The following METTL22 variants were observed in gnomAD, a reference collection of about 807,000 sequenced individuals.
METTL22 encodes methyltransferase 22, Kin17 lysine, also known as methyltransferase-like protein 22.
METTL22 carries 51 observed loss-of-function variants against 48.4 expected under a neutral mutation model. The ratio of observed to expected loss-of-function variants is 1.05; its 90% CI spans 0.84 to 1.33. METTL22 has a LOEUF of 1.33. METTL22 is among the 40% of genes most tolerant of loss of function. The pLI, the probability that METTL22 is intolerant of heterozygous loss-of-function variation, is 0.00. For missense variants in METTL22, 678 were observed against 526.9 expected (o/e 1.29, Z -2.81); for synonymous variants, 255 against 214.1 (o/e 1.19, Z -1.67).
At chr16:8,657,761 C>G in the METTL22 span, among the ~76,000 whole-genome samples, 1 of 151,456 alleles carries the variant, frequency 6.6e-6, no homozygotes, top group Non-Finnish European at 1.5e-5. Flanking sequence ...GACAGTCGTC[C>G]TGGATTTAGG....
chr16:8,653,129 CTGTGCTG>C (rs1448056170), downstream of METTL22, among the ~76,000 whole-genome samples: 1 of 152,190 alleles, frequency 6.6e-6, no homozygotes, highest in African/African-American at 2.4e-5. Context: ...GCCTTCCAGA[CTGTGCTG>C]TTTCTTACAT....
At chr16:8,662,374 C>T in the METTL22 span, among the ~76,000 whole-genome samples, 4 of 145,324 alleles carry the variant, frequency 2.8e-5, no homozygotes, top group Non-Finnish European at 6.1e-5. Context: ...AATCCAGGAG[C>T]CTTGTGGATT....
At chr16:8,661,841 G>A in the METTL22 span, among the ~76,000 whole-genome samples, 16 of 144,446 alleles carry the variant, frequency 1.1e-4, no homozygotes, top group African/African-American at 1.6e-4. Context: ...TCAAAATGCT[G>A]GAATTACAGG....
Position 8,643,049 on chromosome 16 carries a change from C to G in METTL22, c.1010+484C>G, listed in dbSNP as rs577088365. The G allele has an allele frequency of 3.8e-4, 66 of 173,544 alleles. 1 individual carries two copies. The South Asian group carries it at 9.1e-3, about 24-fold the overall frequency. 10.8% of individuals were successfully genotyped at this position (173,544 alleles called of 1,614,324 possible). A position where few individuals can be genotyped will look rare whatever the true frequency, so the allele number is the denominator to read the frequency against. On this transcript the variant is annotated intron_variant, in intron 9 of 10. Transcript: ENST00000381920. ...TAGAATATCCTGAAATGTTAGGTTC[C>G]ATTTATTGAGTGCCCACCTTGTGAT...
At chr16:8,630,755 G>A (rs1031748978) in intron 3 of METTL22, among the ~76,000 whole-genome samples, 11 of 152,142 alleles carry the variant, frequency 7.2e-5, no homozygotes, top group Non-Finnish European at 1.6e-4. Context: ...TCACGGTGAG[G>A]CCCCCTTGTC....
intron 7 of METTL22, 59 bp downstream of exon 7, chr16:8,641,243 A>G (rs1019847495): frequency 3.9e-6 from 6 of 1,553,672 alleles, no homozygotes; most frequent in Non-Finnish European, 5.3e-6. Flanking sequence ...GTAATACCTC[A>G]GTGCCCCTGG....
At chr16:8,627,540 A>C (rs59835083) in intron 2 of METTL22, among the ~76,000 whole-genome samples, 1,903 of 152,042 alleles carry the variant, frequency 0.013, 46 homozygotes, top group African/African-American at 0.044. Flanking sequence ...ATTCCCATTG[A>C]CCTCCTGCCC....
At chr16:8,656,678 G>T in the METTL22 span, among the ~76,000 whole-genome samples, 2 of 152,234 alleles carry the variant, frequency 1.3e-5, no homozygotes, top group Non-Finnish European at 2.9e-5. Flanking sequence ...CCTGGGCTGG[G>T]CTGTGCCCTG....
intron 3 of METTL22, among the ~76,000 whole-genome samples, chr16:8,631,037 C>G (rs1408440046): frequency 2.6e-5 from 4 of 152,146 alleles, no homozygotes; most frequent in Admixed American, 2.6e-4. Context: ...AACCACTGTC[C>G]CTGGGTTTTA....
chr16:8,633,727 C>T (rs183469921), intron 3 of METTL22, among the ~76,000 whole-genome samples: 2 of 152,362 alleles, frequency 1.3e-5, no homozygotes, highest in Non-Finnish European at 2.9e-5. Flanking sequence ...TCCAATAATA[C>T]TCGAAGCTGT....
chr16:8,631,858 A>G (rs149014758), intron 3 of METTL22: 1 of 152,182 alleles, frequency 6.6e-6, no homozygotes. Flanking sequence ...GAGCCCCAAG[A>G]TGGCCCTGGG....
chr16:8,649,668 G>C (rs1233119408), downstream of METTL22: 13 of 152,110 alleles, frequency 8.5e-5, no homozygotes, highest in African/African-American at 3.1e-4. Flanking sequence ...GCTGGGCGTG[G>C]TGGCGGTCGC....
chr16:8,627,667 C>T (rs2056107237), intron 2 of METTL22, among the ~76,000 whole-genome samples: 1 of 152,064 alleles, frequency 6.6e-6, no homozygotes, highest in African/African-American at 2.4e-5. Flanking sequence ...CAGTCATTAA[C>T]GTGTTTTTAC....
At chr16:8,629,630 G>A (rs929637243) in intron 3 of METTL22, among the ~76,000 whole-genome samples, 3 of 152,138 alleles carry the variant, frequency 2.0e-5, no homozygotes, top group Non-Finnish European at 2.9e-5. Flanking sequence ...CTAGAAGCCA[G>A]GTAAGAAAGG....
chr16:8,632,894 TA>T (rs1322512318), intron 3 of METTL22, among the ~76,000 whole-genome samples: 1 of 152,110 alleles, frequency 6.6e-6, no homozygotes, highest in African/African-American at 2.4e-5. Flanking sequence ...AGGCAGAACT[TA>T]CGTCCACGAG....
At chr16:8,641,357 A>G in intron 7 of METTL22, 173 bp downstream of exon 7, 1 of 700,744 alleles carries the variant, frequency 1.4e-6, no homozygotes, top group East Asian at 2.8e-5. Flanking sequence ...TCATTCTCTG[A>G]GCGCCTGCTG....
At chr16:8,649,956 C>G (rs1046807015), downstream of METTL22, among the ~76,000 whole-genome samples, 22 of 152,144 alleles carry the variant, frequency 1.4e-4, no homozygotes, top group Admixed American at 9.2e-4. Context: ...AACAAGCTCC[C>G]GGGTGATGCT....
chr16:8,639,197 G>T, intron 6 of METTL22, 35 bp downstream of exon 6: 1 of 1,607,944 alleles, frequency 6.2e-7, no homozygotes, highest in Non-Finnish European at 8.5e-7. Context: ...AGGGAGGGAG[G>T]TTTCTCTGTT....
intron 3 of METTL22, among the ~76,000 whole-genome samples, 158 bp downstream of exon 3, chr16:8,629,268 G>A (rs969207456): frequency 1.3e-5 from 2 of 152,268 alleles, no homozygotes; most frequent in Middle Eastern, 3.4e-3. Flanking sequence ...CCACAACCCC[G>A]TCACTCCTGC....
Sources: gnomAD v4.1 joint callset for allele counts (sites outside exome capture counted in the v4.1 genomes callset) on GRCh38, gnomAD v4.1.1 for gene constraint, MANE v1.5 for transcripts, NCBI Gene and HGNC (gene_info 2026-07-23, HGNC 2026-07-21) for gene names.